The following HIVEP1 variants were observed in gnomAD, a reference collection of about 807,000 sequenced individuals.
The protein encoded by HIVEP1 is zinc finger protein 40.
Under a neutral mutation model 180.0 loss-of-function variants are expected in HIVEP1, and 36 were observed. The observed-to-expected ratio is 0.20, with a 90% CI of 0.15 to 0.26. The LOEUF is 0.26. Among genes scored for constraint, HIVEP1 ranks in the 10% least tolerant of loss-of-function variants. The pLI is 1.00. For synonymous variants in HIVEP1, 1,239 were observed against 1,239.0 expected, an observed-to-expected ratio of 1.00 and a Z score of 0.00; for missense variants, 3,143 against 3,268.7, an observed-to-expected ratio of 0.96 and a Z score of 0.94.
chr6:12,167,581 C>CATGTTATATTACATGTATATATGCAT (rs55679474), downstream of HIVEP1, among the ~76,000 whole-genome samples: 1 of 64,916 alleles, frequency 1.5e-5, no homozygotes, highest in East Asian at 3.9e-4. Flanking sequence ...GTTATATATA[C>CATGTTATATTACATGTATATATGCAT]GTTATATTAC....
At chr6:12,194,395 T>C in the HIVEP1 span, among the ~76,000 whole-genome samples, 1 of 151,962 alleles carries the variant, frequency 6.6e-6, no homozygotes, top group Non-Finnish European at 1.5e-5. Context: ...ATCTACCACA[T>C]AACTAAATTA....
intron 2 of HIVEP1, among the ~76,000 whole-genome samples, chr6:12,018,159 T>C (rs1243501722): frequency 1.3e-5 from 2 of 152,220 alleles, no homozygotes; most frequent in African/African-American, 4.8e-5. Context: ...GGCTGCTGGC[T>C]TGGGTGCTAA....
rs1270231934 is a variant in HIVEP1 at position 12,147,661 on chromosome 6, A to AGCGGG, written c.6487+11771_6487+11772insGGGGC. Among the ~76,000 whole-genome samples the AGCGGG allele has an allele frequency of 9.2e-5, 14 of 152,270 alleles. No individual in the cohort carries two copies. In the South Asian group the frequency reaches 1.0e-3, roughly 11 times the overall value. On this transcript the variant is annotated intron_variant, in intron 7 of 8. Coordinates refer to ENST00000379388, the MANE Select transcript of HIVEP1 (RefSeq NM_002114.4). The stretch of plus-strand genomic sequence containing the variant: ...AATACTAATACTCCCACAGAGCCAA[A>AGCGGG]GCCTTTTTTCTGGGTGGATGAGTGT...
chr6:12,146,606 T>C (rs1759388387), intron 7 of HIVEP1, among the ~76,000 whole-genome samples: 1 of 152,202 alleles, frequency 6.6e-6, no homozygotes, highest in Non-Finnish European at 1.5e-5. Context: ...ATGGCATTTG[T>C]TTATTAATTT....
At chr6:12,106,014 A>G (rs1774405147) in intron 3 of HIVEP1, among the ~76,000 whole-genome samples, 1 of 151,564 alleles carries the variant, frequency 6.6e-6, no homozygotes, top group Non-Finnish European at 1.5e-5. Flanking sequence ...ACACATATAT[A>G]CATATATATA....
upstream of HIVEP1, chr6:12,008,038 TA>T (rs71706681): frequency 0.018 from 2,728 of 147,780 alleles, 44 homozygotes; most frequent in African/African-American, 0.039. Flanking sequence ...AGTAATCTGT[TA>T]AAAAAAAAAA....
At chr6:12,070,975 GATCT>G (rs2113784130) in intron 2 of HIVEP1, among the ~76,000 whole-genome samples, 2 of 152,210 alleles carry the variant, frequency 1.3e-5, no homozygotes, top group South Asian at 4.2e-4. Flanking sequence ...CACAAACCAG[GATCT>G]ATTAAAGTAA....
At chr6:12,167,609 A>C, downstream of HIVEP1, among the ~76,000 whole-genome samples, 1 of 145,768 alleles carries the variant, frequency 6.9e-6, no homozygotes, top group African/African-American at 2.5e-5. Flanking sequence ...TATACATGTT[A>C]TATTACATGT....
intron 7 of HIVEP1, among the ~76,000 whole-genome samples, chr6:12,150,767 A>G (rs886160028): frequency 6.6e-5 from 10 of 152,172 alleles, no homozygotes; most frequent in African/African-American, 2.4e-4. Context: ...TATGTTTTTA[A>G]TGATGATTTT....
At chr6:12,183,061 T>G in the HIVEP1 span, among the ~76,000 whole-genome samples, 2 of 151,996 alleles carry the variant, frequency 1.3e-5, no homozygotes, top group African/African-American at 4.8e-5. Context: ...CACAGGACAT[T>G]TAAAGGGAGA....
chr6:12,046,861 G>GTGTGTGTGTA lies in HIVEP1; in HGVS notation c.40+31202_40+31203insATGTGTGTGT, dbSNP rs779005263. On this transcript the variant is annotated intron_variant, in intron 2 of 8. Coordinates refer to ENST00000379388, the MANE Select transcript of HIVEP1 (RefSeq NM_002114.4). ...GCCACTACACTGTGTGTGTGTGTGTGTGTGTGTGTGTGTGTTTGAGATGGA... is the reference window on the plus strand; with the variant it reads ...GCCACTACACTGTGTGTGTGTGTGTGTGTGTGTGTATGTGTGTGTGTGTGTTTGAGATGGA... Among the ~76,000 whole-genome samples, 105 of 151,626 alleles carry GTGTGTGTGTA rather than the reference G, an allele frequency of 6.9e-4. 1 individual carries two copies. The highest frequency in any genetic ancestry group is 1.2e-3 in the Non-Finnish European group (79 of 67,822).
At chr6:12,140,578 A>G (rs1472720702) in intron 7 of HIVEP1, among the ~76,000 whole-genome samples, 2 of 152,234 alleles carry the variant, frequency 1.3e-5, no homozygotes, top group African/African-American at 2.4e-5. Flanking sequence ...TTTCCAAGCT[A>G]AAGGAGGATG....
intron 2 of HIVEP1, among the ~76,000 whole-genome samples, chr6:12,056,935 C>T (rs957202848): frequency 6.6e-6 from 1 of 151,850 alleles, no homozygotes; most frequent in Admixed American, 6.6e-5. Flanking sequence ...CTCCTGAGCT[C>T]AAGTGATCCT....
the HIVEP1 span, among the ~76,000 whole-genome samples, chr6:12,191,039 C>T: frequency 6.6e-6 from 1 of 151,852 alleles, no homozygotes; most frequent in Admixed American, 6.6e-5. Context: ...TGACAATCTC[C>T]AAGTTTTGAT....
chr6:12,083,275 T>A (rs1772910295), intron 2 of HIVEP1, among the ~76,000 whole-genome samples: 1 of 152,206 alleles, frequency 6.6e-6, no homozygotes, highest in African/African-American at 2.4e-5. Context: ...AAAAAATACA[T>A]TTAATGGCTA....
intron 2 of HIVEP1, among the ~76,000 whole-genome samples, chr6:12,036,771 G>A (rs1394059498): frequency 4.6e-5 from 7 of 152,166 alleles, no homozygotes; most frequent in Admixed American, 4.6e-4. Context: ...GGGTGTGCGT[G>A]GTGGCGCACG....
the HIVEP1 span, among the ~76,000 whole-genome samples, chr6:12,187,615 C>T: frequency 1.1e-4 from 15 of 138,230 alleles, no homozygotes; most frequent in South Asian, 2.5e-4. Flanking sequence ...TTTTTTTAAA[C>T]GGAGTCTCAC....
chr6:12,043,552 A>G (rs1166325513), intron 2 of HIVEP1, among the ~76,000 whole-genome samples: 3 of 152,020 alleles, frequency 2.0e-5, no homozygotes, highest in African/African-American at 4.8e-5. Flanking sequence ...TTTTTGGTAG[A>G]GCCGGGGTTT....
At chr6:12,024,773 G>C (rs963917710) in intron 2 of HIVEP1, among the ~76,000 whole-genome samples, 16 of 152,170 alleles carry the variant, frequency 1.1e-4, no homozygotes, top group Admixed American at 5.9e-4. Flanking sequence ...CTTGGAAGGT[G>C]GTTGGTTAAG....
Sources: allele counts gnomAD v4.1 joint callset (sites outside exome capture counted in the v4.1 genomes callset), GRCh38; gene constraint gnomAD v4.1.1; transcripts MANE v1.5; gene names NCBI Gene and HGNC (gene_info 2026-07-23, HGNC 2026-07-21).